ERP44: variants seen among roughly 807,000 people sequenced by gnomAD.
ERP44 encodes endoplasmic reticulum protein 44.
Under a neutral mutation model 53.4 loss-of-function variants are expected in ERP44, and 25 were observed. That is an observed-to-expected ratio of 0.47 (90% CI 0.34 to 0.65). The LOEUF (loss-of-function observed/expected upper bound fraction) is 0.65, where lower values mean the gene tolerates loss of function less well. Among genes scored for constraint, ERP44 ranks in the 30% least tolerant of loss-of-function variants. ERP44 has a pLI of 0.01. For synonymous variants in ERP44, 145 were observed against 161.2 expected (o/e 0.90, Z 0.76); for missense variants, 338 against 493.2 (o/e 0.69, Z 2.98).
intron 1 of ERP44, among the ~76,000 whole-genome samples, chr9:100,066,932 G>T (rs1826216711): frequency 6.6e-6 from 1 of 152,128 alleles, no homozygotes; most frequent in African/African-American, 2.4e-5. Flanking sequence ...TGAACTAGAA[G>T]TTCAAAGAGA....
At chr9:100,091,251 A>G (rs1039690652) in intron 1 of ERP44, among the ~76,000 whole-genome samples, 3 of 152,230 alleles carry the variant, frequency 2.0e-5, no homozygotes, top group African/African-American at 2.4e-5. Context: ...GGTGACCACA[A>G]TATCACCAAG....
chr9:100,018,434 A>G (rs1024939334), intron 6 of ERP44, 121 bp from the exon 7 acceptor site: 9 of 661,600 alleles, frequency 1.4e-5, no homozygotes, highest in African/African-American at 1.1e-4. Context: ...CAATACCAAG[A>G]AAAGTATACA....
At chr9:100,074,864 A>G (rs1305901229) in intron 1 of ERP44, among the ~76,000 whole-genome samples, 1 of 152,174 alleles carries the variant, frequency 6.6e-6, no homozygotes, top group Non-Finnish European at 1.5e-5. Context: ...TGACTTACAG[A>G]GGGTCCAGTG....
chr9:100,079,367 G>T (rs1455117728), intron 1 of ERP44, among the ~76,000 whole-genome samples: 1 of 150,096 alleles, frequency 6.7e-6, no homozygotes, highest in Non-Finnish European at 1.5e-5. Context: ...GCCTATTGTG[G>T]AACCCTGTGA....
intron 8 of ERP44, among the ~76,000 whole-genome samples, chr9:100,015,285 A>G (rs2118644453): frequency 6.6e-6 from 1 of 152,370 alleles, no homozygotes; most frequent in East Asian, 1.9e-4. Context: ...ATGCATACAC[A>G]AAGTTTTTAA....
intron 4 of ERP44, among the ~76,000 whole-genome samples, chr9:100,047,996 C>T (rs1825993983): frequency 7.3e-6 from 1 of 136,682 alleles, no homozygotes; most frequent in Non-Finnish European, 1.5e-5. Context: ...TACTGAACAT[C>T]ACTAATTATT....
intron 4 of ERP44, among the ~76,000 whole-genome samples, chr9:100,029,390 C>A (rs1702589603): frequency 6.6e-6 from 1 of 152,102 alleles, no homozygotes; most frequent in Admixed American, 6.5e-5. Flanking sequence ...AAAAGACATA[C>A]AAATGGCCAA....
chr9:100,093,406 G>T (rs181102003), intron 1 of ERP44, among the ~76,000 whole-genome samples: 1 of 152,332 alleles, frequency 6.6e-6, no homozygotes, highest in Admixed American at 6.5e-5. Flanking sequence ...AACTTTGGGA[G>T]GCCAAAGCGG....
chr9:100,096,287 C>T (rs887660219), intron 1 of ERP44, among the ~76,000 whole-genome samples: 1 of 151,974 alleles, frequency 6.6e-6, no homozygotes, highest in African/African-American at 2.4e-5. Context: ...ATCATTTTCC[C>T]AGCGGAAAAC....
chr9:100,097,488 A>T (rs1278756383), intron 1 of ERP44, among the ~76,000 whole-genome samples: 1 of 152,202 alleles, frequency 6.6e-6, no homozygotes, highest in African/African-American at 2.4e-5. Flanking sequence ...AGAAGGAAAA[A>T]TGTATCACAG....
At chr9:100,036,538 T>C (rs548143708) in intron 4 of ERP44, among the ~76,000 whole-genome samples, 4 of 152,146 alleles carry the variant, frequency 2.6e-5, no homozygotes, top group Non-Finnish European at 5.9e-5. Flanking sequence ...AGCTACCTAT[T>C]GGGTACTCTG....
chr9:100,062,622 T>G (rs1826164363), intron 1 of ERP44, among the ~76,000 whole-genome samples: 2 of 152,198 alleles, frequency 1.3e-5, no homozygotes, highest in South Asian at 4.1e-4. Context: ...ACCTCAAATC[T>G]GGGTAAGTGG....
chr9:100,000,910 C>G (rs1830369314), intron 10 of ERP44, among the ~76,000 whole-genome samples: 1 of 151,396 alleles, frequency 6.6e-6, no homozygotes, highest in African/African-American at 2.4e-5. Flanking sequence ...TTGGTTTGTT[C>G]TTTTTCTAGT....
intron 4 of ERP44, among the ~76,000 whole-genome samples, chr9:100,028,563 C>G (rs1830677803): frequency 6.6e-6 from 1 of 152,194 alleles, no homozygotes. Context: ...AAAACAAGAA[C>G]CACTTCCAAC....
At chr9:100,060,208 T>C (rs764250387) in intron 1 of ERP44, 36 bp from the exon 2 acceptor site, 6 of 1,427,706 alleles carry the variant, frequency 4.2e-6, no homozygotes, top group Admixed American at 3.1e-5. Context: ...AATAAATGTG[T>C]CCACAAAAGA....
At chr9:100,026,634 A>T (rs976512256) in intron 4 of ERP44, among the ~76,000 whole-genome samples, 2 of 152,222 alleles carry the variant, frequency 1.3e-5, no homozygotes, top group Non-Finnish European at 2.9e-5. Context: ...CAGTAATAAT[A>T]AAAATGTTTT....
intron 8 of ERP44, among the ~76,000 whole-genome samples, chr9:100,014,612 T>C (rs1830510946): frequency 1.3e-5 from 2 of 152,202 alleles, no homozygotes; most frequent in South Asian, 2.1e-4. Flanking sequence ...TTTTAAATAA[T>C]TGGGAAAAAA....
Position 100,057,808 on chromosome 9 carries a change from A to G in ERP44, c.170+12T>C. Reference sequence around the variant, plus strand: ...AAAAACAAAACCAAACCCAAACAATAAGATTACTTACCAGTCAGCATAAAA... The same window carrying G: ...AAAAACAAAACCAAACCCAAACAATGAGATTACTTACCAGTCAGCATAAAA... On this transcript the variant is annotated intron_variant, in intron 3 of 11. Transcript: ENST00000262455. The G allele has an allele frequency of 6.2e-7, 1 of 1,600,662 alleles. No individual in the cohort carries two copies. Among genetic ancestry groups the G allele is most frequent in the Non-Finnish European group, 8.5e-7 (1 of 1,172,128 alleles).
intron 10 of ERP44, among the ~76,000 whole-genome samples, chr9:99,990,283 A>C (rs868747680): frequency 2.6e-5 from 4 of 152,266 alleles, no homozygotes; most frequent in Admixed American, 6.5e-5. Context: ...GGTTACCCAC[A>C]AAGGGAAGCC....
Sources: gnomAD v4.1 joint callset for allele counts (sites outside exome capture counted in the v4.1 genomes callset) on GRCh38, gnomAD v4.1.1 for gene constraint, MANE v1.5 for transcripts, NCBI Gene and HGNC (gene_info 2026-07-23, HGNC 2026-07-21) for gene names.